The following SSBP2 variants were observed in gnomAD, a reference collection of about 807,000 sequenced individuals.
The protein encoded by SSBP2 is single stranded DNA binding protein 2.
In SSBP2, 17 loss-of-function variants were observed where a neutral mutation model predicts 61.8. The observed-to-expected ratio is 0.28, with a 90% CI of 0.19 to 0.41. SSBP2 has a LOEUF of 0.41. Ranked by LOEUF, SSBP2 falls within the 10% of genes least tolerant of loss-of-function variation. The pLI is 1.00. For missense variants in SSBP2, 310 were observed against 458.7 expected, an observed-to-expected ratio of 0.68 and a Z score of 2.96; for synonymous variants, 139 against 141.3, an observed-to-expected ratio of 0.98 and a Z score of 0.12.
At chr5:81,474,171 T>C (rs1273346065) in intron 7 of SSBP2, among the ~76,000 whole-genome samples, 4 of 152,214 alleles carry the variant, frequency 2.6e-5, no homozygotes, top group Non-Finnish European at 5.9e-5. Flanking sequence ...CTAAGGCCTC[T>C]ATCTGAAAAA....
chr5:81,704,714 T>G lies in SSBP2; in HGVS notation c.62+46267A>C, dbSNP rs542494005. On this transcript the variant is annotated intron_variant, in intron 1 of 16. Coordinates refer to ENST00000320672, the MANE Select transcript of SSBP2 (RefSeq NM_012446.5). ...GGAAGGCTGAGGCAGGAGAACCGCT[T>G]GAACCCAGGAGGCGGAGGTTGCAGT... is the stretch of plus-strand genomic sequence containing the variant. Among the ~76,000 whole-genome samples, 7 of 144,232 alleles carry G rather than the reference T, an allele frequency of 4.9e-5. No individual in the cohort carries two copies. The South Asian group carries it at 8.7e-4, about 18-fold the overall frequency. The allele number at this position is 144,232 out of a possible 152,430, so 94.6% of individuals were successfully genotyped here.
chr5:81,748,770 G>A (rs1357500911), intron 1 of SSBP2, among the ~76,000 whole-genome samples: 1 of 152,120 alleles, frequency 6.6e-6, no homozygotes, highest in African/African-American at 2.4e-5. Context: ...GATATTACTT[G>A]GTGTTCAGTT....
intron 14 of SSBP2, among the ~76,000 whole-genome samples, chr5:81,439,667 G>GT (rs61650905): frequency 0.019 from 1,901 of 100,128 alleles, 73 homozygotes; most frequent in African/African-American, 0.055. Context: ...TGCCCAGCTA[G>GT]TTTTTTTTTT....
chr5:81,446,933 A>T lies in SSBP2; in HGVS notation c.724-11T>A. The T allele has an allele frequency of 1.3e-6, 2 of 1,586,918 alleles. No homozygotes were observed. Among genetic ancestry groups the T allele is most frequent in the Non-Finnish European group, 8.6e-7 (1 of 1,168,076 alleles). ...ACCTCCTGGAGGACCCTAAATAATT[A>T]TACAAAATTTCAGTAAAAATAAGGC... On this transcript the variant is annotated splice_polypyrimidine_tract_variant and intron_variant, in intron 11 of 16. Transcript: ENST00000320672.
At chr5:81,499,470 A>G (rs1359016129) in intron 5 of SSBP2, among the ~76,000 whole-genome samples, 2 of 152,206 alleles carry the variant, frequency 1.3e-5, no homozygotes, top group Non-Finnish European at 2.9e-5. Context: ...TGTGAATGGG[A>G]GACTAAGCTG....
intron 4 of SSBP2, among the ~76,000 whole-genome samples, chr5:81,548,759 A>T (rs571507354): frequency 4.7e-4 from 71 of 152,168 alleles, no homozygotes; most frequent in Non-Finnish European, 8.8e-4. Context: ...CGTCTCTACT[A>T]AAAATACAAA....
At chr5:81,590,858 C>T (rs746512133) in intron 4 of SSBP2, among the ~76,000 whole-genome samples, 1 of 152,264 alleles carries the variant, frequency 6.6e-6, no homozygotes, top group Middle Eastern at 3.4e-3. Context: ...TAACCTCCAG[C>T]CCTGGGGAAG....
At chr5:81,536,116 A>G (rs974793427) in intron 4 of SSBP2, among the ~76,000 whole-genome samples, 1 of 152,206 alleles carries the variant, frequency 6.6e-6, no homozygotes, top group Non-Finnish European at 1.5e-5. Context: ...TACAGATGGC[A>G]AATGAGCATA....
At chr5:81,516,078 A>G (rs1216241389) in intron 4 of SSBP2, among the ~76,000 whole-genome samples, 1 of 152,030 alleles carries the variant, frequency 6.6e-6, no homozygotes, top group Non-Finnish European at 1.5e-5. Flanking sequence ...TTTATCCATG[A>G]TCTAAGAAGA....
At chr5:81,528,402 T>C (rs1003740743) in intron 4 of SSBP2, among the ~76,000 whole-genome samples, 5 of 152,072 alleles carry the variant, frequency 3.3e-5, no homozygotes, top group African/African-American at 1.2e-4. Context: ...TTGGATAGTC[T>C]TAAAGGACAT....
chr5:81,751,279 C>CCTCCCTCCCCGA (rs1757753565), upstream of SSBP2: 1 of 570,596 alleles, frequency 1.8e-6, no homozygotes, highest in African/African-American at 1.9e-5. Flanking sequence ...TCCCTCCTTC[C>CCTCCCTCCCCGA]CTCCCTCCCC....
chr5:81,607,079 T>C (rs1026161077), intron 4 of SSBP2, among the ~76,000 whole-genome samples: 1 of 152,210 alleles, frequency 6.6e-6, no homozygotes, highest in Non-Finnish European at 1.5e-5. Flanking sequence ...TTTTGTGATA[T>C]CTGAAGACTT....
chr5:81,550,445 A>AC (rs1554085074), intron 4 of SSBP2, among the ~76,000 whole-genome samples: 2 of 151,972 alleles, frequency 1.3e-5, no homozygotes, highest in Non-Finnish European at 2.9e-5. Context: ...TAAAATACTC[A>AC]TTTTTTTTAC....
At chr5:81,645,900 A>AG (rs1366857349) in intron 2 of SSBP2, among the ~76,000 whole-genome samples, 1 of 152,220 alleles carries the variant, frequency 6.6e-6, no homozygotes, top group Non-Finnish European at 1.5e-5. Flanking sequence ...GGCACAACCT[A>AG]GTTAGAGAAA....
At chr5:81,478,188 G>C (rs1242759352) in intron 6 of SSBP2, among the ~76,000 whole-genome samples, 1 of 151,882 alleles carries the variant, frequency 6.6e-6, no homozygotes, top group Admixed American at 6.6e-5. Context: ...TAGAGAAAAG[G>C]TCTCCCTCAG....
rs145417208 is a variant in SSBP2 at position 81,579,316 on chromosome 5, G to A, written c.282+36157C>T. Among the ~76,000 whole-genome samples, 1,162 of 152,036 alleles carry A rather than the reference G, an allele frequency of 7.6e-3. 17 individuals are homozygous for A. Among genetic ancestry groups the A allele is most frequent in the African/African-American group, 0.027 (1,124 of 41,486 alleles). ...AGTTATTTTCAAAACATGGCAGAAT[G>A]ACATCCAAGTACAAATGTCCAATGA... On this transcript the variant is annotated intron_variant, in intron 4 of 16. Coordinates refer to ENST00000320672, the MANE Select transcript of SSBP2 (RefSeq NM_012446.5).
At chr5:81,640,551 A>C (rs1283370461) in intron 2 of SSBP2, among the ~76,000 whole-genome samples, 2 of 152,172 alleles carry the variant, frequency 1.3e-5, no homozygotes, top group African/African-American at 4.8e-5. Flanking sequence ...TTTATCTGAT[A>C]ATTTCAGTTC....
chr5:81,598,730 C>G (rs1386235395), intron 4 of SSBP2, among the ~76,000 whole-genome samples: 3 of 152,160 alleles, frequency 2.0e-5, no homozygotes, highest in African/African-American at 7.2e-5. Flanking sequence ...ATTGGGTCCT[C>G]AAATCCTCTC....
At chr5:81,570,619 C>A (rs7717767) in intron 4 of SSBP2, among the ~76,000 whole-genome samples, 7,999 of 152,200 alleles carry the variant, frequency 0.053, 395 homozygotes, top group African/African-American at 0.12. Flanking sequence ...GAAGCAGAGG[C>A]GCCTGGACTT....
Sources: gnomAD v4.1 joint callset for allele counts (sites outside exome capture counted in the v4.1 genomes callset) on GRCh38, gnomAD v4.1.1 for gene constraint, MANE v1.5 for transcripts, NCBI Gene and HGNC (gene_info 2026-07-23, HGNC 2026-07-21) for gene names.